XKR4: variants seen among roughly 807,000 people sequenced by gnomAD.
XKR4 encodes XK-related protein 4.
In XKR4, 12 loss-of-function variants were observed where a neutral mutation model predicts 53.9. The ratio of observed to expected loss-of-function variants is 0.22; its 90% CI spans 0.14 to 0.36. The LOEUF (loss-of-function observed/expected upper bound fraction) is 0.36. XKR4 is among the 10% of genes least tolerant of loss of function. XKR4 has a pLI of 1.00. For synonymous variants in XKR4, 354 were observed against 362.4 expected (o/e 0.98, Z 0.26); for missense variants, 799 against 859.5 (o/e 0.93, Z 0.88).
intron 2 of XKR4, among the ~76,000 whole-genome samples, chr8:55,472,933 A>G (rs1200743009): frequency 2.0e-5 from 3 of 151,926 alleles, no homozygotes; most frequent in East Asian, 3.9e-4. Flanking sequence ...TAATTTTTAT[A>G]CTTTCCCTAC....
chr8:55,480,038 C>G (rs1317885292), intron 2 of XKR4, among the ~76,000 whole-genome samples: 1 of 150,268 alleles, frequency 6.7e-6, no homozygotes, highest in East Asian at 1.9e-4. Flanking sequence ...GGAATCCTCC[C>G]TAACTCATTT....
chr8:55,124,970 A>T (rs1262229135), intron 1 of XKR4, among the ~76,000 whole-genome samples: 1 of 152,230 alleles, frequency 6.6e-6, no homozygotes, highest in Non-Finnish European at 1.5e-5. Flanking sequence ...AATTCATCAG[A>T]GTATTTAATA....
At chr8:55,157,767 A>G (rs1266750541) in intron 1 of XKR4, among the ~76,000 whole-genome samples, 1 of 152,234 alleles carries the variant, frequency 6.6e-6, no homozygotes, top group East Asian at 1.9e-4. Context: ...AAGTGAGAAC[A>G]TGCAGTATTT....
rs1806879539 is a variant in XKR4, at chr8:55,526,195, G to T, written c.*1968G>T. 2 of 152,364 alleles carry T rather than the reference G, an allele frequency of 1.3e-5. No homozygotes were observed. Among genetic ancestry groups the T allele is most frequent in the African/African-American group, 4.8e-5 (2 of 41,420 alleles). 9.4% of individuals were successfully genotyped at this position (152,364 alleles called of 1,614,324 possible). ...TTTAACTTAATTATTCGGTTATTTG[G>T]ATCTAATTCACACAAAGTAGTCCAG... On this transcript the variant is annotated 3_prime_UTR_variant, in exon 3 of 3. Transcript: ENST00000327381.
At chr8:55,119,628 T>C (rs1444255028) in intron 1 of XKR4, among the ~76,000 whole-genome samples, 2 of 152,160 alleles carry the variant, frequency 1.3e-5, no homozygotes, top group African/African-American at 4.8e-5. Context: ...CAGGCCACAC[T>C]CAGACATGTA....
rs1301253479 is a variant in XKR4, at chr8:55,535,263, A to G, written c.*11036A>G. On this transcript the variant is annotated 3_prime_UTR_variant, in exon 3 of 3. Transcript: ENST00000327381. ...TATTATACTTTAAGTTTTAGGGTAC[A>G]TGTGCACAACGTGCAGGTTTGTTAC... 6.6e-6 allele frequency: 1 copy of G among 151,038 alleles called. No homozygotes were observed. Among genetic ancestry groups the G allele is most frequent in the African/African-American group, 2.4e-5 (1 of 40,948 alleles). 9.4% of individuals were successfully genotyped at this position (151,038 alleles called of 1,614,324 possible).
intron 1 of XKR4, among the ~76,000 whole-genome samples, chr8:55,354,465 A>T (rs1168621449): frequency 6.6e-6 from 1 of 152,204 alleles, no homozygotes; most frequent in Non-Finnish European, 1.5e-5. Flanking sequence ...ATGTCCAAAT[A>T]AAAGGGGGGA....
chr8:55,183,369 C>A (rs935035550), intron 1 of XKR4, among the ~76,000 whole-genome samples: 1 of 151,582 alleles, frequency 6.6e-6, no homozygotes, highest in Admixed American at 6.6e-5. Flanking sequence ...TGCTACTTTT[C>A]TCTTATCACT....
At chr8:55,332,785 C>T (rs1472794084) in intron 1 of XKR4, among the ~76,000 whole-genome samples, 2 of 151,532 alleles carry the variant, frequency 1.3e-5, no homozygotes, top group East Asian at 1.9e-4. Context: ...AAGTTTTTGG[C>T]CATTATTTCC....
At chr8:55,225,573 A>G (rs541249827) in intron 1 of XKR4, among the ~76,000 whole-genome samples, 1 of 152,346 alleles carries the variant, frequency 6.6e-6, no homozygotes, top group East Asian at 1.9e-4. Context: ...TGGGTTTAAC[A>G]GTGACCCACA....
rs543543509 is a variant in XKR4, at chr8:55,540,530, A to C, written c.*16303A>C. On this transcript the variant is annotated 3_prime_UTR_variant, in exon 3 of 3. Transcript: ENST00000327381. Reference sequence around the variant, plus strand: ...ATTCTTGGATGAGAACCTTGCCTCTACTAAATAGTTTCTGCTTTTCCTCTC... The same window carrying C: ...ATTCTTGGATGAGAACCTTGCCTCTCCTAAATAGTTTCTGCTTTTCCTCTC... 3 of 152,336 alleles carry C rather than the reference A, an allele frequency of 2.0e-5. No individual in the cohort carries two copies. Among genetic ancestry groups the C allele is most frequent in the Admixed American group, 6.5e-5 (1 of 15,294 alleles). 9.4% of individuals were successfully genotyped at this position (152,336 alleles called of 1,614,324 possible).
chr8:55,234,590 A>T (rs1818092459), intron 1 of XKR4, among the ~76,000 whole-genome samples: 1 of 152,212 alleles, frequency 6.6e-6, no homozygotes, highest in African/African-American at 2.4e-5. Flanking sequence ...TCTTGTTAAA[A>T]TTTGCATCAC....
intron 1 of XKR4, among the ~76,000 whole-genome samples, chr8:55,104,709 G>A (rs1409100707): frequency 6.7e-6 from 1 of 149,698 alleles, no homozygotes; most frequent in Non-Finnish European, 1.5e-5. Flanking sequence ...TTCTGAAAAA[G>A]TGATATTTGA....
chr8:55,277,160 G>A (rs1404866661), intron 1 of XKR4, among the ~76,000 whole-genome samples: 1 of 152,118 alleles, frequency 6.6e-6, no homozygotes, highest in Non-Finnish European at 1.5e-5. Context: ...CTCCCACTGA[G>A]GTCAATATGA....
At chr8:55,323,110 A>T (rs1803240183) in intron 1 of XKR4, among the ~76,000 whole-genome samples, 1 of 152,228 alleles carries the variant, frequency 6.6e-6, no homozygotes. Context: ...TCATGAATGG[A>T]TGTTACATTA....
chr8:55,476,901 G>A (rs540836225), intron 2 of XKR4, among the ~76,000 whole-genome samples: 5 of 152,224 alleles, frequency 3.3e-5, no homozygotes, highest in South Asian at 4.1e-4. Context: ...CGGGAAGCTC[G>A]AACTGGGTGG....
chr8:55,477,072 T>G (rs1806001473), intron 2 of XKR4, among the ~76,000 whole-genome samples: 1 of 150,590 alleles, frequency 6.6e-6, no homozygotes. Flanking sequence ...CAGCTTGAGA[T>G]CTGAGAATGG....
At chr8:55,471,677 G>C (rs574005225) in intron 2 of XKR4, among the ~76,000 whole-genome samples, 1 of 152,282 alleles carries the variant, frequency 6.6e-6, no homozygotes, top group Non-Finnish European at 1.5e-5. Flanking sequence ...GTTGGAGGTG[G>C]GGCCTGGTGG....
chr8:55,359,882 G>GT (rs1803873987), intron 2 of XKR4, among the ~76,000 whole-genome samples: 1 of 152,226 alleles, frequency 6.6e-6, no homozygotes, highest in Non-Finnish European at 1.5e-5. Flanking sequence ...GTTAAGTTGC[G>GT]TTTTTTGAGT....
Sources: allele counts gnomAD v4.1 joint callset (sites outside exome capture counted in the v4.1 genomes callset), GRCh38; gene constraint gnomAD v4.1.1; transcripts MANE v1.5; gene names NCBI Gene and HGNC (gene_info 2026-07-23, HGNC 2026-07-21).